SDK1: variants seen among roughly 807,000 people sequenced by gnomAD.
SDK1 encodes sidekick cell adhesion molecule 1.
Under a neutral mutation model 245.5 loss-of-function variants are expected in SDK1, and 157 were observed. The observed-to-expected ratio is 0.64, with a 90% CI of 0.56 to 0.73. The LOEUF (loss-of-function observed/expected upper bound fraction) is 0.73. Among genes scored for constraint, SDK1 ranks in the 30% least tolerant of loss-of-function variants. SDK1 has a pLI of 0.00. For synonymous variants in SDK1, 1,647 were observed against 1,278.5 expected (o/e 1.29, Z -6.15); for missense variants, 3,583 against 3,002.3 (o/e 1.19, Z -4.52).
At position 4,213,826 on chromosome 7, in the gene SDK1, A is replaced by T. The variant is rs530464233; in HGVS notation, c.5539+3664A>T. ...TGCCGTTTCTTGTTCGTTTCATGAC[A>T]GTTTTTGCATCACTGGGAAACTCAA... is the stretch of plus-strand genomic sequence containing the variant. On this transcript the variant is annotated intron_variant, in intron 38 of 44. Transcript: ENST00000404826. Among the ~76,000 whole-genome samples, 71 of 152,240 alleles carry T rather than the reference A, an allele frequency of 4.7e-4. 1 individual carries two copies. The highest frequency in any genetic ancestry group is 4.1e-4 in the South Asian group (2 of 4,820).
intron 22 of SDK1, among the ~76,000 whole-genome samples, chr7:4,083,344 C>G (rs1781185027): frequency 1.3e-5 from 2 of 152,062 alleles, no homozygotes; most frequent in African/African-American, 4.8e-5. Context: ...AGTGGAATCC[C>G]CCACTCTTTT....
intron 1 of SDK1, among the ~76,000 whole-genome samples, chr7:3,457,421 A>G (rs748194773): frequency 6.6e-6 from 1 of 151,956 alleles, no homozygotes; most frequent in South Asian, 2.1e-4. Context: ...ACTATACACA[A>G]TGTCTTCTTA....
At position 3,956,607 on chromosome 7, in the gene SDK1, G is replaced by A. The variant is rs191111693; in HGVS notation, c.1151-2324G>A. Among the ~76,000 whole-genome samples the A allele has an allele frequency of 1.7e-4, 26 of 152,352 alleles. 1 individual carries two copies. Among genetic ancestry groups the A allele is most frequent in the Admixed American group, 1.6e-3 (25 of 15,302 alleles). On this transcript the variant is annotated intron_variant, in intron 7 of 44. Transcript: ENST00000404826. ...GTTTTCCACCCATGCCTAGCACTGA[G>A]CTACTAAAACTGCCCAGGACATTGG... is the stretch of plus-strand genomic sequence containing the variant.
chr7:3,716,193 TAGG>T (rs1246780717), intron 4 of SDK1, among the ~76,000 whole-genome samples: 2 of 150,524 alleles, frequency 1.3e-5, no homozygotes, highest in East Asian at 1.9e-4. Context: ...GGAGTTCTAG[TAGG>T]AGATGAGAAA....
chr7:3,417,333 C>T (rs1272757715), intron 1 of SDK1, among the ~76,000 whole-genome samples: 2 of 152,222 alleles, frequency 1.3e-5, no homozygotes, highest in Admixed American at 1.3e-4. Context: ...AGCCAGTTCC[C>T]CGACTCTTCG....
rs752034610 is a variant in SDK1 at position 3,974,362 on chromosome 7, C to CAAAA, written c.1818-7_1818-6insAAAA. On this transcript the variant is annotated splice_region_variant and splice_polypyrimidine_tract_variant and intron_variant, in intron 12 of 44. Coordinates refer to ENST00000404826, the MANE Select transcript of SDK1 (RefSeq NM_152744.4). Reference sequence around the variant, plus strand: ...TTGTAACTCAAGACCCTTTGCTTGGCCCACAGCTACGTTTGGAAGAAGGAC... The same window carrying CAAAA: ...TTGTAACTCAAGACCCTTTGCTTGGCAAAACCACAGCTACGTTTGGAAGAAGGAC... 7 of 1,609,286 alleles carry CAAAA rather than the reference C, an allele frequency of 4.3e-6. No individual in the cohort carries two copies. Among genetic ancestry groups the CAAAA allele is most frequent in the Non-Finnish European group, 6.0e-6 (7 of 1,176,260 alleles).
chr7:3,748,139 A>C (rs1030167996), intron 4 of SDK1, among the ~76,000 whole-genome samples: 1 of 152,196 alleles, frequency 6.6e-6, no homozygotes, highest in Non-Finnish European at 1.5e-5. Context: ...AGTTAATGCT[A>C]TAATATTAAA....
intron 40 of SDK1, among the ~76,000 whole-genome samples, chr7:4,232,711 C>T (rs921367315): frequency 6.6e-6 from 1 of 151,998 alleles, no homozygotes; most frequent in Admixed American, 6.6e-5. Context: ...AGTCCTGTAA[C>T]CGCAGCCTCT....
chr7:4,252,834 TC>T (rs1787397661), intron 44 of SDK1, among the ~76,000 whole-genome samples: 1 of 135,558 alleles, frequency 7.4e-6, no homozygotes, highest in African/African-American at 3.1e-5. Context: ...TCCCCCCCCC[TC>T]TTTTTTTTTT....
chr7:3,573,452 G>A (rs897437725), intron 1 of SDK1, among the ~76,000 whole-genome samples: 1 of 149,154 alleles, frequency 6.7e-6, no homozygotes, highest in African/African-American at 2.5e-5. Flanking sequence ...CAAGGGCCCA[G>A]GGAAGACAGG....
chr7:4,078,643 C>T (rs1780852509), intron 21 of SDK1, among the ~76,000 whole-genome samples: 1 of 152,132 alleles, frequency 6.6e-6, no homozygotes, highest in African/African-American at 2.4e-5. Context: ...ATTTTATCCC[C>T]TTATCTTTCT....
intron 44 of SDK1, among the ~76,000 whole-genome samples, chr7:4,248,645 C>G (rs1463062893): frequency 6.6e-6 from 1 of 151,918 alleles, no homozygotes; most frequent in African/African-American, 2.4e-5. Flanking sequence ...TGTACACATA[C>G]CTGTGCACAT....
intron 16 of SDK1, among the ~76,000 whole-genome samples, chr7:4,013,153 T>G (rs569317784): frequency 1.3e-5 from 2 of 152,290 alleles, no homozygotes; most frequent in Admixed American, 6.5e-5. Context: ...GGGTAGCCAG[T>G]GTGCTGTCTT....
At chr7:4,188,957 C>A (rs1783039751) in intron 35 of SDK1, among the ~76,000 whole-genome samples, 1 of 152,122 alleles carries the variant, frequency 6.6e-6, no homozygotes, top group African/African-American at 2.4e-5. Context: ...CAGTTTGTTA[C>A]ACATTTTTTT....
At chr7:4,191,188 GC>G (rs1400957040) in intron 35 of SDK1, among the ~76,000 whole-genome samples, 1 of 151,884 alleles carries the variant, frequency 6.6e-6, no homozygotes, top group African/African-American at 2.4e-5. Context: ...TGTCCTCATG[GC>G]CCCCAGGCCC....
Position 3,624,490 on chromosome 7 carries a change from C to T in SDK1, c.458+5251C>T, listed in dbSNP as rs572345719. 2.0e-5 allele frequency among the ~76,000 whole-genome samples: 3 copies of T among 152,232 alleles called. No homozygotes were observed. In the South Asian group the frequency reaches 6.2e-4, roughly 32 times the overall value. ...CTGGGATTACAGGTGTAAGCCACCA[C>T]ACCTGGCCTGGATATTTTAATAAAA... is the stretch of plus-strand genomic sequence containing the variant. On this transcript the variant is annotated intron_variant, in intron 2 of 44. Coordinates refer to ENST00000404826, the MANE Select transcript of SDK1 (RefSeq NM_152744.4).
intron 14 of SDK1, among the ~76,000 whole-genome samples, chr7:3,988,360 C>T (rs777652708): frequency 2.8e-4 from 43 of 152,000 alleles, no homozygotes; most frequent in Middle Eastern, 3.4e-3. Flanking sequence ...TGGTACCTCT[C>T]GCCAGGACCA....
At position 4,190,079 on chromosome 7, in the gene SDK1, G is replaced by T. The variant is rs544354899; in HGVS notation, c.5098+11493G>T. ...AGTGCCTATTAAGTGAAATTAAAAG[G>T]CTTCAGTGACGCCAGTTTGAAAACA... On this transcript the variant is annotated intron_variant, in intron 35 of 44. Coordinates refer to ENST00000404826, the MANE Select transcript of SDK1 (RefSeq NM_152744.4). Among the ~76,000 whole-genome samples, 3 of 152,324 alleles carry T rather than the reference G, an allele frequency of 2.0e-5. No homozygotes were observed. The South Asian group carries it at 6.2e-4, about 32-fold the overall frequency.
At chr7:3,589,333 C>G (rs978277239) in intron 1 of SDK1, among the ~76,000 whole-genome samples, 1 of 152,110 alleles carries the variant, frequency 6.6e-6, no homozygotes, top group African/African-American at 2.4e-5. Flanking sequence ...TCCCAGTTGT[C>G]ATGGGCCTTT....
Sources: gnomAD v4.1 joint callset for allele counts (sites outside exome capture counted in the v4.1 genomes callset) on GRCh38, gnomAD v4.1.1 for gene constraint, MANE v1.5 for transcripts, NCBI Gene and HGNC (gene_info 2026-07-23, HGNC 2026-07-21) for gene names.